Variants in TAF4B observed in about 807,000 individuals in gnomAD.
TAF4B encodes TATA-box binding protein associated factor 4b.
In TAF4B, 38 loss-of-function variants were observed where a neutral mutation model predicts 86.4. That is an observed-to-expected ratio of 0.44 (90% CI 0.34 to 0.58). TAF4B has a LOEUF of 0.58. TAF4B is among the 20% of genes least tolerant of loss of function. TAF4B has a pLI of 0.02. For synonymous variants in TAF4B, 388 were observed against 391.2 expected, an observed-to-expected ratio of 0.99 and a Z score of 0.10; for missense variants, 988 against 1,027.6, an observed-to-expected ratio of 0.96 and a Z score of 0.53.
chr18:26,292,324 T>C lies in TAF4B; in HGVS notation c.1669T>C (p.Cys557Arg). ...SHSSTLTIQK[C>R]GQKTMPVNTI... is the part of the protein sequence containing the mutation. ...TTCCTCAACATTGACCATTCAGAAA[T>C]GTGGACAGAAGACGATGCCAGTGAA... Residue 557 changes from cysteine (C) to arginine (R), a missense_variant, in exon 8 of 15, where the codon TGT becomes CGT. Cys to Arg is a radical substitution (Grantham distance 180, BLOSUM62 -3). This residue lies in a region of TAF4B where 747 missense variants were observed against 737.9 expected (regional missense o/e 1.01). Coordinates refer to ENST00000269142, the MANE Select transcript of TAF4B (RefSeq NM_005640.3). 1 of 1,614,118 alleles carries C rather than the reference T, an allele frequency of 6.2e-7. No homozygotes were observed. Among genetic ancestry groups the C allele is most frequent in the Non-Finnish European group, 8.5e-7 (1 of 1,180,004 alleles).
chr18:26,226,863 C>CG lies in TAF4B; in HGVS notation c.-70dup. 8.1e-7 allele frequency: 1 copy of CG among 1,238,726 alleles called. No homozygotes were observed. The highest frequency in any genetic ancestry group is 3.2e-5 in the East Asian group (1 of 31,434). 76.7% of individuals were successfully genotyped at this position (1,238,726 alleles called of 1,614,324 possible). ...CCCGAACCGCACCGGAGTCGGCTGCCGCGCGCCAAGCCTCCCCTCACCTCT... is the reference window on the plus strand; with the variant it reads ...CCCGAACCGCACCGGAGTCGGCTGCCGGCGCGCCAAGCCTCCCCTCACCTCT... On this transcript the variant is annotated 5_prime_UTR_variant, in exon 1 of 15. An upstream open reading frame in the 5' UTR loses its in-frame stop. Transcript: ENST00000269142.
chr18:26,229,454 T>C (rs902015843), intron 1 of TAF4B, among the ~76,000 whole-genome samples: 1 of 151,950 alleles, frequency 6.6e-6, no homozygotes, highest in Non-Finnish European at 1.5e-5. Context: ...TTAAAAAGGT[T>C]ATGAATCTTA....
intron 7 of TAF4B, among the ~76,000 whole-genome samples, chr18:26,291,127 T>C (rs563557287): frequency 3.0e-4 from 45 of 152,326 alleles, no homozygotes; most frequent in African/African-American, 9.4e-4. Context: ...GTTGAATAAA[T>C]TGAACTCTAA....
chr18:26,229,029 A>G (rs2055622041), intron 1 of TAF4B, among the ~76,000 whole-genome samples: 1 of 152,076 alleles, frequency 6.6e-6, no homozygotes, highest in Non-Finnish European at 1.5e-5. Context: ...TCTTTCCACA[A>G]CGCTATGCTT....
intron 1 of TAF4B, among the ~76,000 whole-genome samples, chr18:26,234,766 A>C (rs2055723541): frequency 6.6e-6 from 1 of 152,222 alleles, no homozygotes; most frequent in African/African-American, 2.4e-5. Context: ...GAAAAGTAGC[A>C]GGGTTGAGGG....
chr18:26,384,611 A>G (rs1252768416), intron 14 of TAF4B, among the ~76,000 whole-genome samples: 2 of 152,252 alleles, frequency 1.3e-5, no homozygotes, highest in Non-Finnish European at 2.9e-5. Flanking sequence ...TTGAGATAAT[A>G]GGACCTAGGT....
At chr18:26,231,923 T>G (rs1264390584) in intron 1 of TAF4B, among the ~76,000 whole-genome samples, 1 of 152,152 alleles carries the variant, frequency 6.6e-6, no homozygotes, top group Non-Finnish European at 1.5e-5. Context: ...CACGTTCTGT[T>G]TCTTTCCTAT....
intron 3 of TAF4B, among the ~76,000 whole-genome samples, chr18:26,270,340 C>T (rs2144553583): frequency 6.6e-6 from 1 of 152,282 alleles, no homozygotes. Context: ...TGTCCCCTGC[C>T]AGCTACAGCC....
intron 13 of TAF4B, among the ~76,000 whole-genome samples, chr18:26,338,754 A>G (rs1483429967): frequency 1.3e-5 from 2 of 152,178 alleles, no homozygotes; most frequent in East Asian, 3.9e-4. Context: ...CTGGGATTAC[A>G]GGCATGAGCC....
chr18:26,328,475 CAAAA>C (rs910739468), intron 12 of TAF4B, among the ~76,000 whole-genome samples: 3 of 151,796 alleles, frequency 2.0e-5, no homozygotes, highest in African/African-American at 4.8e-5. Context: ...AAAAACAAAA[CAAAA>C]AAACTCCAGA....
At chr18:26,259,072 G>A (rs73395908) in intron 1 of TAF4B, among the ~76,000 whole-genome samples, 2,908 of 151,832 alleles carry the variant, frequency 0.019, 84 homozygotes, top group African/African-American at 0.066. Context: ...TTGGCGTGGG[G>A]ATCTCTTTGC....
At position 26,390,117 on chromosome 18, in the gene TAF4B, A is replaced by C. The variant is rs1398319948; in HGVS notation, c.*105A>C. On this transcript the variant is annotated 3_prime_UTR_variant, in exon 15 of 15. Coordinates refer to ENST00000269142, the MANE Select transcript of TAF4B (RefSeq NM_005640.3). ...CAATTTCTGGAAAATAATCACCAAC[A>C]TGAAAGAGCATTGTTTACAGTTAGA... 2.5e-6 allele frequency: 3 copies of C among 1,181,598 alleles called. No homozygotes were observed. The East Asian group carries it at 7.2e-5, about 28-fold the overall frequency. The allele number at this position is 1,181,598 out of a possible 1,614,324, so 73.2% of individuals were successfully genotyped here.
chr18:26,389,828 C>G lies in TAF4B; in HGVS notation c.2422-17C>G. ...AAGATTTTTATTTCAAATTGCTTTT[C>G]CTTTTATTATTTTTAGGGCTTAAAA... is the stretch of plus-strand genomic sequence containing the variant. On this transcript the variant is annotated splice_polypyrimidine_tract_variant and intron_variant, in intron 14 of 14. Transcript: ENST00000269142. 6.2e-7 allele frequency: 1 copy of G among 1,600,768 alleles called. No homozygotes were observed. Among genetic ancestry groups the G allele is most frequent in the Non-Finnish European group, 8.5e-7 (1 of 1,175,790 alleles).
intron 13 of TAF4B, among the ~76,000 whole-genome samples, chr18:26,351,102 T>C (rs921648398): frequency 6.6e-5 from 10 of 152,160 alleles, no homozygotes; most frequent in African/African-American, 2.2e-4. Flanking sequence ...ATTGCTGATA[T>C]GTGGAATCAA....
At chr18:26,284,692 A>G (rs1172808329) in intron 6 of TAF4B, among the ~76,000 whole-genome samples, 1 of 152,130 alleles carries the variant, frequency 6.6e-6, no homozygotes, top group African/African-American at 2.4e-5. Flanking sequence ...AGCCTGGCCA[A>G]CATGGCTGTC....
intron 1 of TAF4B, among the ~76,000 whole-genome samples, chr18:26,234,966 C>T (rs945300801): frequency 3.3e-5 from 5 of 152,210 alleles, no homozygotes; most frequent in African/African-American, 1.2e-4. Flanking sequence ...GCCACCGCTG[C>T]AACTACCCGT....
chr18:26,327,264 G>A lies in TAF4B; in HGVS notation c.2259+124G>A, dbSNP rs932068441. ...ATTTCTCCAGAGGATTTCCTAAAAC[G>A]AAATTACTAATAGGATGTCTCACAG... On this transcript the variant is annotated intron_variant, in intron 12 of 14. Coordinates refer to ENST00000269142, the MANE Select transcript of TAF4B (RefSeq NM_005640.3). 5 of 1,190,962 alleles carry A rather than the reference G, an allele frequency of 4.2e-6. No homozygotes were observed. In the African/African-American group the frequency reaches 4.6e-5, roughly 11 times the overall value. 73.8% of individuals were successfully genotyped at this position (1,190,962 alleles called of 1,614,324 possible). A position where few individuals can be genotyped will look rare whatever the true frequency, so the allele number is the denominator to read the frequency against.
At chr18:26,356,338 G>T (rs187348141) in intron 13 of TAF4B, among the ~76,000 whole-genome samples, 68 of 152,248 alleles carry the variant, frequency 4.5e-4, no homozygotes, top group African/African-American at 1.4e-3. Context: ...GGATACAGAC[G>T]TTCAGAACAT....
intron 13 of TAF4B, among the ~76,000 whole-genome samples, chr18:26,346,891 ATATATATATGTG>A (rs2057201079): frequency 6.8e-5 from 1 of 14,668 alleles, no homozygotes; most frequent in Non-Finnish European, 1.7e-4. Flanking sequence ...ATATATATAT[ATATATATATGTG>A]TGTGTATATA....
Sources: gnomAD v4.1 joint callset for allele counts (sites outside exome capture counted in the v4.1 genomes callset) on GRCh38, gnomAD v4.1.1 for gene constraint, gnomAD v4.1.1 regional missense constraint, MANE v1.5 for transcripts, NCBI Gene and HGNC (gene_info 2026-07-23, HGNC 2026-07-21) for gene names.